Variants in UNC5D observed in about 807,000 individuals in gnomAD.
UNC5D encodes the protein netrin receptor UNC5D.
UNC5D carries 39 observed loss-of-function variants against 105.4 expected under a neutral mutation model. The ratio of observed to expected loss-of-function variants is 0.37; its 90% CI spans 0.29 to 0.48. UNC5D has a LOEUF of 0.48. UNC5D is among the 20% of genes least tolerant of loss of function. The pLI is 0.98. For missense variants in UNC5D, 991 were observed against 1,202.4 expected (o/e 0.82, Z 2.60); for synonymous variants, 452 against 450.4 (o/e 1.00, Z -0.04).
At chr8:35,491,056 T>C (rs941184402) in intron 1 of UNC5D, among the ~76,000 whole-genome samples, 4 of 152,154 alleles carry the variant, frequency 2.6e-5, no homozygotes, top group Non-Finnish European at 4.4e-5. Context: ...TCTTGGGTTA[T>C]ATGCCTATTT....
chr8:35,648,419 C>T (rs1392438503), intron 4 of UNC5D, among the ~76,000 whole-genome samples: 1 of 152,062 alleles, frequency 6.6e-6, no homozygotes, highest in Admixed American at 6.6e-5. Context: ...TGGCTTATGC[C>T]TGTAATCCCA....
intron 7 of UNC5D, among the ~76,000 whole-genome samples, chr8:35,692,332 G>A (rs755456411): frequency 1.3e-5 from 2 of 152,116 alleles, no homozygotes; most frequent in Admixed American, 6.6e-5. Context: ...CACAGGAAAG[G>A]CATGTTTGCT....
intron 1 of UNC5D, among the ~76,000 whole-genome samples, chr8:35,347,667 G>A (rs1374534321): frequency 6.6e-6 from 1 of 151,938 alleles, no homozygotes; most frequent in African/African-American, 2.4e-5. Context: ...TCCTTGCTAA[G>A]TTCACTTCTG....
chr8:35,272,433 C>T (rs574042693), intron 1 of UNC5D, among the ~76,000 whole-genome samples: 2 of 152,246 alleles, frequency 1.3e-5, no homozygotes, highest in South Asian at 4.2e-4. Context: ...ACTTCAAGGT[C>T]AATATCCTTG....
At chr8:35,675,779 A>T (rs1825170920) in intron 4 of UNC5D, among the ~76,000 whole-genome samples, 1 of 151,804 alleles carries the variant, frequency 6.6e-6, no homozygotes, top group Admixed American at 6.6e-5. Context: ...TGTTTTTTCC[A>T]TTTCTAAAGG....
At chr8:35,687,497 T>G (rs892959189) in intron 7 of UNC5D, among the ~76,000 whole-genome samples, 1 of 148,068 alleles carries the variant, frequency 6.8e-6, no homozygotes, top group East Asian at 2.0e-4. Flanking sequence ...CCTGAGGAAG[T>G]GGGTGGCTTT....
intron 1 of UNC5D, among the ~76,000 whole-genome samples, chr8:35,393,355 G>A (rs948752318): frequency 6.6e-6 from 1 of 151,536 alleles, no homozygotes; most frequent in Non-Finnish European, 1.5e-5. Flanking sequence ...GGATGGTCTC[G>A]ATCTCCTGAC....
chr8:35,501,166 G>A (rs915925993), intron 1 of UNC5D, among the ~76,000 whole-genome samples: 5 of 152,146 alleles, frequency 3.3e-5, no homozygotes, highest in South Asian at 2.1e-4. Flanking sequence ...ACACTGACAC[G>A]GTTCAGAAAA....
intron 1 of UNC5D, among the ~76,000 whole-genome samples, chr8:35,344,471 A>G (rs1207623296): frequency 6.6e-6 from 1 of 152,042 alleles, no homozygotes; most frequent in Non-Finnish European, 1.5e-5. Context: ...ATCCTTAGAT[A>G]TGCTGAATGG....
At chr8:35,681,431 ATC>A (rs1208617002) in intron 4 of UNC5D, among the ~76,000 whole-genome samples, 5 of 152,218 alleles carry the variant, frequency 3.3e-5, no homozygotes, top group African/African-American at 1.2e-4. Flanking sequence ...TCTCAGTACA[ATC>A]TCTGATACTC....
At chr8:35,648,494 C>T (rs142303608) in intron 4 of UNC5D, among the ~76,000 whole-genome samples, 143 of 152,070 alleles carry the variant, frequency 9.4e-4, no homozygotes, top group African/African-American at 3.1e-3. Context: ...GCCTGGCCAA[C>T]ATGATAAAAC....
chr8:35,237,343 CG>C (rs1267523184), intron 1 of UNC5D, among the ~76,000 whole-genome samples: 2 of 151,988 alleles, frequency 1.3e-5, no homozygotes, highest in African/African-American at 4.8e-5. Context: ...TTACTACGTA[CG>C]GCAAATGTCT....
At chr8:35,663,744 C>T (rs1344827951) in intron 4 of UNC5D, among the ~76,000 whole-genome samples, 2 of 152,064 alleles carry the variant, frequency 1.3e-5, no homozygotes, top group Non-Finnish European at 1.5e-5. Flanking sequence ...CCACAAAATG[C>T]CCCCATATCT....
intron 1 of UNC5D, among the ~76,000 whole-genome samples, chr8:35,543,754 C>T (rs1324443769): frequency 6.6e-6 from 1 of 152,154 alleles, no homozygotes; most frequent in Non-Finnish European, 1.5e-5. Context: ...TCAGGGCCTT[C>T]TCTGGGAGGG....
chr8:35,765,291 G>A (rs7016435), intron 14 of UNC5D, among the ~76,000 whole-genome samples: 11,971 of 152,162 alleles, frequency 0.079, 1,305 homozygotes, highest in African/African-American at 0.25. Context: ...AGCCCCTTCC[G>A]CATGGGGAAG....
At chr8:35,705,185 C>G (rs1380393274) in intron 7 of UNC5D, among the ~76,000 whole-genome samples, 1 of 152,066 alleles carries the variant, frequency 6.6e-6, no homozygotes, top group Non-Finnish European at 1.5e-5. Context: ...AGGATGGTCT[C>G]GATCTCCTGA....
chr8:35,459,333 G>C (rs954387434), intron 1 of UNC5D, among the ~76,000 whole-genome samples: 1 of 152,170 alleles, frequency 6.6e-6, no homozygotes, highest in Non-Finnish European at 1.5e-5. Context: ...AACTGGAAAT[G>C]ATATTGTTGC....
intron 1 of UNC5D, among the ~76,000 whole-genome samples, chr8:35,500,785 G>A (rs1431488295): frequency 6.6e-6 from 1 of 152,148 alleles, no homozygotes; most frequent in African/African-American, 2.4e-5. Flanking sequence ...GTGTATGAAC[G>A]GATGACTTAA....
At chr8:35,667,245 G>C (rs1234892306) in intron 4 of UNC5D, among the ~76,000 whole-genome samples, 2 of 152,106 alleles carry the variant, frequency 1.3e-5, no homozygotes, top group Admixed American at 1.3e-4. Flanking sequence ...AGAAATCTCA[G>C]CTGCTTAACA....
Sources: gnomAD v4.1 joint callset for allele counts (sites outside exome capture counted in the v4.1 genomes callset) on GRCh38, gnomAD v4.1.1 for gene constraint, MANE v1.5 for transcripts, NCBI Gene and HGNC (gene_info 2026-07-23, HGNC 2026-07-21) for gene names.